Variants in KMT2E observed in about 807,000 individuals in gnomAD.
KMT2E encodes histone reader KMT2E.
In KMT2E, 30 loss-of-function variants were observed where a neutral mutation model predicts 184.6. That is an observed-to-expected ratio of 0.16 (90% CI 0.12 to 0.22). KMT2E has a LOEUF of 0.22. KMT2E is among the 10% of genes least tolerant of loss of function. The probability of loss-of-function intolerance (pLI) is 1.00; values close to 1 mark genes in which losing one functional copy is unlikely to be tolerated. For missense variants in KMT2E, 2,023 were observed against 2,237.4 expected (o/e 0.90, Z 1.93); for synonymous variants, 815 against 776.5 (o/e 1.05, Z -0.82).
At chr7:105,045,549 T>G (rs904316090) in intron 3 of KMT2E, among the ~76,000 whole-genome samples, 1 of 152,224 alleles carries the variant, frequency 6.6e-6, no homozygotes, top group Non-Finnish European at 1.5e-5. Flanking sequence ...AAAATACTTA[T>G]TCTCTTATGT....
At chr7:105,078,994 T>A in intron 12 of KMT2E, 31 bp downstream of exon 12, 1 of 1,182,154 alleles carries the variant, frequency 8.5e-7, no homozygotes, top group Non-Finnish European at 1.3e-6. Context: ...TGGGGAGATG[T>A]GGGTGCTGGG....
At chr7:105,016,844 G>A (rs933138217) in intron 1 of KMT2E, among the ~76,000 whole-genome samples, 2 of 152,180 alleles carry the variant, frequency 1.3e-5, no homozygotes, top group African/African-American at 4.8e-5. Flanking sequence ...CAACTAGGTT[G>A]ATAAGGTTCT....
intron 1 of KMT2E, among the ~76,000 whole-genome samples, chr7:105,032,399 G>A (rs991774814): frequency 1.3e-5 from 2 of 151,992 alleles, no homozygotes; most frequent in Non-Finnish European, 1.5e-5. Context: ...AGCAGAGATC[G>A]CACCACTGTA....
At position 105,110,349 on chromosome 7, in the gene KMT2E, C is replaced by A. The variant is rs574665978; in HGVS notation, c.3825C>A (p.His1275Gln). 6.2e-7 allele frequency: 1 copy of A among 1,614,046 alleles called. No homozygotes were observed. The highest frequency in any genetic ancestry group is 1.1e-5 in the South Asian group (1 of 91,074). The change falls in exon 24 of 27, where the codon CAC becomes CAA. Residue 1275 changes from histidine to glutamine, a missense_variant. By Grantham distance (24) the His-to-Gln change is conservative. This residue lies in a region of KMT2E where 1,108 missense variants were observed against 1,050.9 expected (regional missense o/e 1.05). Coordinates refer to ENST00000311117, the MANE Select transcript of KMT2E (RefSeq NM_182931.3). ...SYQRALLLSDHRKDKDSGGES... is the reference protein window; with the variant it reads ...SYQRALLLSDQRKDKDSGGES... ...AGAGAGCTTTACTTCTCAGTGATCACCGAAAAGATAAAGATAGTGGTAAGT... is the reference window on the plus strand; with the variant it reads ...AGAGAGCTTTACTTCTCAGTGATCAACGAAAAGATAAAGATAGTGGTAAGT...
At chr7:105,018,919 T>G (rs1306381496) in intron 1 of KMT2E, among the ~76,000 whole-genome samples, 1 of 152,168 alleles carries the variant, frequency 6.6e-6, no homozygotes, top group Non-Finnish European at 1.5e-5. Flanking sequence ...AATCTTGCAA[T>G]TGCTATTAAA....
chr7:105,017,797 A>G (rs1295768740), intron 1 of KMT2E, among the ~76,000 whole-genome samples: 2 of 152,174 alleles, frequency 1.3e-5, no homozygotes, highest in African/African-American at 2.4e-5. Flanking sequence ...CATTTTGATC[A>G]TACATCCTTT....
chr7:105,033,984 C>T (rs1456294204), intron 1 of KMT2E, among the ~76,000 whole-genome samples: 1 of 152,096 alleles, frequency 6.6e-6, no homozygotes, highest in East Asian at 1.9e-4. Flanking sequence ...AGAACTAATC[C>T]AGTCTTGCCA....
At chr7:105,101,170 CTTATCA>C (rs1304916584) in intron 15 of KMT2E, among the ~76,000 whole-genome samples, 6 of 151,924 alleles carry the variant, frequency 3.9e-5, no homozygotes, top group African/African-American at 1.5e-4. Flanking sequence ...TTGTTTTACC[CTTATCA>C]TTAACACTCA....
At chr7:105,020,137 TAAAAAAA>T (rs569366041) in intron 1 of KMT2E, among the ~76,000 whole-genome samples, 1 of 147,406 alleles carries the variant, frequency 6.8e-6, no homozygotes, top group South Asian at 2.2e-4. Context: ...ATAAGTAAAT[TAAAAAAA>T]AAAATTCTTG....
intron 5 of KMT2E, 38 bp from the exon 6 acceptor site, chr7:105,066,688 TA>T (rs759384246): frequency 2.0e-6 from 3 of 1,471,744 alleles, no homozygotes; most frequent in Middle Eastern, 1.8e-4. Context: ...AAGGATGACT[TA>T]AATAATATTA....
At chr7:105,092,969 A>G (rs1250245048) in intron 15 of KMT2E, among the ~76,000 whole-genome samples, 1 of 151,864 alleles carries the variant, frequency 6.6e-6, no homozygotes, top group Non-Finnish European at 1.5e-5. Context: ...TTAGGTGGGA[A>G]GATCACTTCA....
At chr7:105,107,956 A>G (rs1355697763) in intron 22 of KMT2E, 31 bp downstream of exon 22, 18 of 1,444,462 alleles carry the variant, frequency 1.2e-5, no homozygotes, top group Non-Finnish European at 1.7e-5. Flanking sequence ...TAGTCCTTTT[A>G]ATAGTTTTTT....
At chr7:105,015,381 T>A (rs1280863181) in intron 1 of KMT2E, among the ~76,000 whole-genome samples, 1 of 152,180 alleles carries the variant, frequency 6.6e-6, no homozygotes, top group Non-Finnish European at 1.5e-5. Flanking sequence ...TATAGATCCG[T>A]CCTTGCTGGG....
At chr7:105,083,820 G>A (rs1797853453) in intron 13 of KMT2E, among the ~76,000 whole-genome samples, 1 of 152,096 alleles carries the variant, frequency 6.6e-6, no homozygotes, top group African/African-American at 2.4e-5. Context: ...GAACTCATCT[G>A]CTGCCTCTTA....
In KMT2E at chr7:105,112,803, C is replaced by A. The variant is rs772907614; in HGVS notation, c.5047C>A (p.Pro1683Thr). Reference protein sequence around the residue: ...AGHHLPPPPPPPGPAPHHHPP... With the variant: ...AGHHLPPPPPTPGPAPHHHPP... ...ACACCACTTACCCCCACCCCCACCC[C>A]CTCCTGGTCCTGCCCCTCATCACCA... Residue 1683 changes from proline (P) to threonine (T), a missense_variant, in exon 27 of 27, where the codon CCT (proline) becomes ACT (threonine). Pro to Thr is a conservative substitution (Grantham distance 38). Coordinates refer to ENST00000311117, the MANE Select transcript of KMT2E (RefSeq NM_182931.3). The A allele has an allele frequency of 3.1e-6, 5 of 1,599,888 alleles. No individual in the cohort carries two copies. The South Asian group carries it at 4.5e-5, about 14-fold the overall frequency.
intron 13 of KMT2E, among the ~76,000 whole-genome samples, chr7:105,087,355 A>G (rs1353942868): frequency 6.8e-6 from 1 of 146,782 alleles, no homozygotes; most frequent in African/African-American, 2.5e-5. Flanking sequence ...GTTGAATGGC[A>G]TCTCTTTATA....
chr7:105,087,227 A>G (rs1427113841), intron 13 of KMT2E, among the ~76,000 whole-genome samples: 1 of 146,572 alleles, frequency 6.8e-6, no homozygotes, highest in African/African-American at 2.5e-5. Context: ...TATATTATAT[A>G]AGCATATATA....
chr7:105,030,767 A>G (rs1028636703), intron 1 of KMT2E, among the ~76,000 whole-genome samples: 9 of 152,194 alleles, frequency 5.9e-5, no homozygotes, highest in Non-Finnish European at 1.2e-4. Context: ...GAAAAGTAAC[A>G]GTTGTGGATC....
chr7:105,027,508 C>T (rs182984222), intron 1 of KMT2E, among the ~76,000 whole-genome samples: 161 of 152,268 alleles, frequency 1.1e-3, no homozygotes, highest in Middle Eastern at 3.4e-3. Flanking sequence ...AAGTTCAAGG[C>T]AGGCTACTCT....
Sources: gnomAD v4.1 joint callset for allele counts (sites outside exome capture counted in the v4.1 genomes callset) on GRCh38, gnomAD v4.1.1 for gene constraint, gnomAD v4.1.1 regional missense constraint, MANE v1.5 for transcripts, NCBI Gene and HGNC (gene_info 2026-07-23, HGNC 2026-07-21) for gene names.